Variants in MAST4 observed in about 807,000 individuals in gnomAD.
MAST4 encodes microtubule-associated serine/threonine-protein kinase 4.
A neutral mutation model predicts 162.7 loss-of-function variants in MAST4; 89 were observed. That is an observed-to-expected ratio of 0.55 (90% CI 0.46 to 0.65). MAST4 has a LOEUF of 0.65. Ranked by LOEUF, MAST4 falls within the 30% of genes least tolerant of loss-of-function variation. The pLI is 0.00. For synonymous variants in MAST4, 1,479 were observed against 1,361.1 expected (o/e 1.09, Z -1.91); for missense variants, 3,153 against 3,374.0 (o/e 0.93, Z 1.62).
chr5:67,082,748 A>G (rs776139438), intron 5 of MAST4, among the ~76,000 whole-genome samples: 8 of 152,202 alleles, frequency 5.3e-5, no homozygotes, highest in African/African-American at 9.7e-5. Flanking sequence ...TAGAGTTATA[A>G]GACCATGTTT....
intron 1 of MAST4, among the ~76,000 whole-genome samples, chr5:66,685,872 A>G (rs1025088976): frequency 2.0e-5 from 3 of 152,060 alleles, no homozygotes; most frequent in African/African-American, 7.2e-5. Context: ...TTTTCCATAG[A>G]CTGGGAGGAG....
chr5:66,839,631 T>C (rs1758277065), intron 3 of MAST4, among the ~76,000 whole-genome samples: 1 of 152,168 alleles, frequency 6.6e-6, no homozygotes, highest in South Asian at 2.1e-4. Flanking sequence ...ACAACTTGCC[T>C]ACAAGTCTCA....
At chr5:66,815,218 T>C (rs1756660010) in intron 3 of MAST4, among the ~76,000 whole-genome samples, 2 of 152,226 alleles carry the variant, frequency 1.3e-5, no homozygotes, top group South Asian at 2.1e-4. Context: ...AATACTTCTT[T>C]AGAAGCATAT....
intron 4 of MAST4, among the ~76,000 whole-genome samples, chr5:67,017,788 G>A (rs1300520195): frequency 1.3e-5 from 2 of 151,524 alleles, no homozygotes; most frequent in African/African-American, 2.4e-5. Context: ...TAGTAGAGAC[G>A]GGGTTTCTTC....
chr5:66,973,744 G>A (rs113021809), intron 4 of MAST4, among the ~76,000 whole-genome samples: 4 of 152,054 alleles, frequency 2.6e-5, no homozygotes, highest in Non-Finnish European at 5.9e-5. Context: ...CTATTAATTG[G>A]TGTTCTTCAG....
chr5:67,095,647 G>A lies in MAST4; in HGVS notation c.884G>A (p.Gly295Glu). The change falls in exon 7 of 29, where the codon GGG becomes GAG. Residue 295 changes from glycine (G) to glutamate (E), a missense_variant. Physicochemically the swap from Gly to Glu is moderately conservative, Grantham distance 98. Coordinates refer to ENST00000403625, the MANE Select transcript of MAST4 (RefSeq NM_001164664.2). ...GCTTCTCTCCCTTCCTCTGGCTATG[G>A]GACAAACACACCCAGCTCTACGGTC... ...SLASLPSSGY[G>E]TNTPSSTVSS... 1 of 1,608,180 alleles carries A rather than the reference G, an allele frequency of 6.2e-7. No individual in the cohort carries two copies. Among genetic ancestry groups the A allele is most frequent in the Non-Finnish European group, 8.5e-7 (1 of 1,176,692 alleles).
At chr5:67,000,379 A>C (rs1330582597) in intron 4 of MAST4, among the ~76,000 whole-genome samples, 1 of 152,166 alleles carries the variant, frequency 6.6e-6, no homozygotes, top group Non-Finnish European at 1.5e-5. Flanking sequence ...CTTTTCATAG[A>C]ATCTAAGTTC....
chr5:66,779,307 T>C (rs1489866561), intron 2 of MAST4, among the ~76,000 whole-genome samples: 5 of 152,036 alleles, frequency 3.3e-5, no homozygotes, highest in Non-Finnish European at 7.4e-5. Context: ...CAGTTGGAGA[T>C]CATTGGTCAG....
At chr5:67,117,774 G>GA (rs1561676241) in intron 12 of MAST4, among the ~76,000 whole-genome samples, 1 of 144,850 alleles carries the variant, frequency 6.9e-6, no homozygotes, top group Non-Finnish European at 1.5e-5. Context: ...GTATAAAAAA[G>GA]AAAATGAACA....
At chr5:67,047,355 C>G (rs1757504718) in intron 4 of MAST4, among the ~76,000 whole-genome samples, 1 of 152,200 alleles carries the variant, frequency 6.6e-6, no homozygotes, top group African/African-American at 2.4e-5. Context: ...TTCCCTGGCT[C>G]TCTGCACGCC....
intron 3 of MAST4, among the ~76,000 whole-genome samples, chr5:66,869,549 C>T (rs1242263029): frequency 6.6e-6 from 1 of 152,148 alleles, no homozygotes; most frequent in Non-Finnish European, 1.5e-5. Flanking sequence ...GACTGGCAAT[C>T]TGCTACTTAT....
chr5:67,135,687 A>T lies in MAST4; in HGVS notation c.2393-876A>T, dbSNP rs566353573. On this transcript the variant is annotated intron_variant, in intron 18 of 28. Transcript: ENST00000403625. ...GGATTTATAACTAGGCTGTTTTCTG[A>T]TATACTAAGGCCTGAATGGCAAAGG... Among the ~76,000 whole-genome samples the T allele has an allele frequency of 2.0e-5, 3 of 152,322 alleles. No homozygotes were observed. In the East Asian group the frequency reaches 5.8e-4, roughly 29 times the overall value.
At chr5:67,058,803 A>G (rs532609932) in intron 5 of MAST4, among the ~76,000 whole-genome samples, 1 of 152,228 alleles carries the variant, frequency 6.6e-6, no homozygotes, top group Non-Finnish European at 1.5e-5. Flanking sequence ...ATAAGAAAGT[A>G]GGGAAATTAG....
rs993316524 is a variant in MAST4 at position 66,963,582 on chromosome 5, C to T, written c.674+63600C>T. ...AAAGGGCAAGTGATTAGATGATTAC[C>T]TAGTGGTGTAGATAAGCTTGCCATA... is the stretch of plus-strand genomic sequence containing the variant. On this transcript the variant is annotated intron_variant, in intron 4 of 28. Transcript: ENST00000403625. 21 of 671,896 alleles carry T rather than the reference C, an allele frequency of 3.1e-5. No homozygotes were observed. In the African/African-American group the frequency reaches 3.2e-4, roughly 10 times the overall value. The allele number at this position is 671,896 out of a possible 1,614,324, so 41.6% of individuals were successfully genotyped here. A position where few individuals can be genotyped will look rare whatever the true frequency, so the allele number is the denominator to read the frequency against.
chr5:66,614,428 T>C (rs1259126357), intron 1 of MAST4, among the ~76,000 whole-genome samples: 1 of 152,244 alleles, frequency 6.6e-6, no homozygotes, highest in African/African-American at 2.4e-5. Flanking sequence ...CATGAAATGA[T>C]AGAATAGAAG....
At chr5:67,004,131 T>C (rs971928764) in intron 4 of MAST4, among the ~76,000 whole-genome samples, 11 of 152,160 alleles carry the variant, frequency 7.2e-5, no homozygotes, top group Non-Finnish European at 1.5e-4. Flanking sequence ...CCGGGACGGA[T>C]CCATTCCGGG....
Position 67,166,695 on chromosome 5 carries a change from C to T in MAST4, c.7516C>T (p.Gln2506Ter), listed in dbSNP as rs1274633915. The T allele has an allele frequency of 6.3e-7, 1 of 1,591,452 alleles. No homozygotes were observed. Among genetic ancestry groups the T allele is most frequent in the Admixed American group, 1.8e-5 (1 of 56,604 alleles). The part of the protein sequence containing the change: ...APSNRDHRKA[Q>*]PAGEGRTHMT... ...CAGCAACAGGGACCATAGGAAGGCT[C>T]AGCCTGCCGGGGAGGGCCGAACCCA... Residue 2506 changes from glutamine to a stop codon, truncating the protein, a stop_gained, in exon 29 of 29, where the codon CAG (glutamine) becomes TAG (stop). Transcript: ENST00000403625. LOFTEE classifies it low-confidence loss of function (END_TRUNC).
Position 66,919,660 on chromosome 5 carries a change from G to GAA in MAST4, c.674+19696_674+19697dup, listed in dbSNP as rs56802433. Reference sequence around the variant, plus strand: ...GGCAACAGAGCAAGACTCCGTCACAGAAAAAAAAAAAAAAAAAAAGAGAAA... The same window carrying GAA: ...GGCAACAGAGCAAGACTCCGTCACAGAAAAAAAAAAAAAAAAAAAAAGAGAAA... On this transcript the variant is annotated intron_variant, in intron 4 of 28. Transcript: ENST00000403625. Among the ~76,000 whole-genome samples, 278 of 96,832 alleles carry GAA rather than the reference G, an allele frequency of 2.9e-3. 5 individuals are homozygous for GAA. The highest frequency in any genetic ancestry group is 6.8e-3 in the African/African-American group (178 of 26,212). The allele number at this position is 96,832 out of a possible 152,430, so 63.5% of individuals were successfully genotyped here.
intron 3 of MAST4, among the ~76,000 whole-genome samples, chr5:66,828,070 G>A (rs1186314272): frequency 6.6e-6 from 1 of 152,146 alleles, no homozygotes; most frequent in Admixed American, 6.6e-5. Context: ...ATGGCTCTTA[G>A]AATCCCCTCC....
Sources: allele counts gnomAD v4.1 joint callset (sites outside exome capture counted in the v4.1 genomes callset), GRCh38; gene constraint gnomAD v4.1.1; transcripts MANE v1.5; gene names NCBI Gene and HGNC (gene_info 2026-07-23, HGNC 2026-07-21).